The following SND1 variants were observed in gnomAD, a reference collection of about 807,000 sequenced individuals.
SND1 encodes staphylococcal nuclease domain-containing protein 1.
SND1 carries 38 observed loss-of-function variants against 121.7 expected under a neutral mutation model. That is an observed-to-expected ratio of 0.31 (90% CI 0.24 to 0.41). The LOEUF (loss-of-function observed/expected upper bound fraction) is 0.41, where lower values mean the gene tolerates loss of function less well. SND1 is among the 10% of genes least tolerant of loss of function. The pLI is 1.00. For missense variants in SND1, 868 were observed against 1,184.6 expected, an observed-to-expected ratio of 0.73 and a Z score of 3.92; for synonymous variants, 401 against 447.4, an observed-to-expected ratio of 0.90 and a Z score of 1.31.
intron 19 of SND1, 30 bp downstream of exon 19, chr7:128,084,877 C>G: frequency 1.3e-6 from 2 of 1,576,940 alleles, no homozygotes; most frequent in Non-Finnish European, 1.7e-6. Context: ...AAGGCAGAGT[C>G]TTGAGCAGGA....
At chr7:127,873,079 G>A (rs542044140) in intron 12 of SND1, among the ~76,000 whole-genome samples, 3 of 152,154 alleles carry the variant, frequency 2.0e-5, no homozygotes, top group East Asian at 1.9e-4. Flanking sequence ...TTAATATGCC[G>A]TTCACGGATA....
At chr7:127,735,714 C>T (rs1051699766) in intron 10 of SND1, among the ~76,000 whole-genome samples, 3 of 152,176 alleles carry the variant, frequency 2.0e-5, no homozygotes, top group Non-Finnish European at 2.9e-5. Flanking sequence ...GCAACTTCCA[C>T]CTCCCGGGTT....
intron 1 of SND1, among the ~76,000 whole-genome samples, chr7:127,669,639 C>T (rs1795480059): frequency 6.6e-6 from 1 of 152,138 alleles, no homozygotes; most frequent in Admixed American, 6.5e-5. Flanking sequence ...TAGATTTACC[C>T]CAAAGCCTAT....
rs1262034334 is a variant in SND1, at chr7:128,089,709, GGC to G, written c.2622+19_2622+20del. The stretch of plus-strand genomic sequence containing the variant: ...CAGAAAGTGGTATGTGATGTGGAGA[GGC>G]GGCCCCAGCATTGCGCCACCACCCT... On this transcript the variant is annotated intron_variant, in intron 22 of 23. Coordinates refer to ENST00000354725, the MANE Select transcript of SND1 (RefSeq NM_014390.4). The G allele has an allele frequency of 6.2e-7, 1 of 1,611,770 alleles. No homozygotes were observed. Among genetic ancestry groups the G allele is most frequent in the South Asian group, 1.1e-5 (1 of 90,904 alleles).
intron 20 of SND1, chr7:128,086,499 G>A: frequency 3.8e-6 from 1 of 266,326 alleles, no homozygotes; most frequent in Non-Finnish European, 7.3e-6. Context: ...GAACCCAGAT[G>A]CCTGGGCCAG....
At chr7:127,748,971 C>T (rs183348077) in intron 10 of SND1, among the ~76,000 whole-genome samples, 3 of 152,110 alleles carry the variant, frequency 2.0e-5, no homozygotes, top group African/African-American at 7.2e-5. Context: ...TGTGCACCCC[C>T]CATGAAGTCA....
At chr7:127,812,933 A>T (rs146287331) in intron 11 of SND1, among the ~76,000 whole-genome samples, 1,613 of 152,326 alleles carry the variant, frequency 0.011, 12 homozygotes, top group Non-Finnish European at 0.018. Context: ...TGTCATCTCC[A>T]CATTTTTCAC....
At chr7:127,672,885 C>T (rs2116268582) in intron 1 of SND1, among the ~76,000 whole-genome samples, 1 of 151,954 alleles carries the variant, frequency 6.6e-6, no homozygotes, top group Non-Finnish European at 1.5e-5. Context: ...GCAGAAATAC[C>T]ACATAAATGA....
At chr7:127,729,278 G>GTATA (rs917064471) in intron 10 of SND1, among the ~76,000 whole-genome samples, 8 of 151,328 alleles carry the variant, frequency 5.3e-5, no homozygotes, top group African/African-American at 1.9e-4. Context: ...TTACTGAGGG[G>GTATA]TATATATATA....
intron 10 of SND1, among the ~76,000 whole-genome samples, chr7:127,792,979 G>A (rs1463920697): frequency 2.0e-5 from 3 of 152,228 alleles, no homozygotes; most frequent in South Asian, 2.1e-4. Context: ...CAGAAATGGG[G>A]TTTGCAGGTT....
At chr7:127,775,416 A>C (rs1384081742) in intron 10 of SND1, among the ~76,000 whole-genome samples, 1 of 150,642 alleles carries the variant, frequency 6.6e-6, no homozygotes, top group Non-Finnish European at 1.5e-5. Context: ...AATAAAAAAA[A>C]CACACAGAGT....
At chr7:127,800,572 A>C (rs1177559240) in intron 10 of SND1, among the ~76,000 whole-genome samples, 1 of 152,232 alleles carries the variant, frequency 6.6e-6, no homozygotes, top group Non-Finnish European at 1.5e-5. Context: ...GAAATGGGAA[A>C]GGGTGATCAA....
chr7:127,946,042 T>C (rs927495074), intron 15 of SND1, among the ~76,000 whole-genome samples: 8 of 152,258 alleles, frequency 5.3e-5, no homozygotes, highest in African/African-American at 1.9e-4. Context: ...TACTCTCTTA[T>C]TGGCTAGGAA....
chr7:127,652,526 C>T (rs1391656399), intron 1 of SND1, 75 bp downstream of exon 1: 1 of 1,216,174 alleles, frequency 8.2e-7, no homozygotes, highest in Non-Finnish European at 1.2e-6. Flanking sequence ...CACCTTCCGC[C>T]AGCCTGCTCC....
At chr7:127,744,315 A>T (rs1230155391) in intron 10 of SND1, among the ~76,000 whole-genome samples, 1 of 152,128 alleles carries the variant, frequency 6.6e-6, no homozygotes, top group Non-Finnish European at 1.5e-5. Flanking sequence ...GAGACCACCC[A>T]GATGACCTGC....
intron 10 of SND1, among the ~76,000 whole-genome samples, chr7:127,773,699 A>T (rs1307605838): frequency 6.6e-6 from 1 of 152,134 alleles, no homozygotes; most frequent in Non-Finnish European, 1.5e-5. Flanking sequence ...TCGAAAAAAA[A>T]TCTGTTGTGG....
chr7:128,032,457 C>T (rs545900878), intron 16 of SND1, among the ~76,000 whole-genome samples: 98 of 151,768 alleles, frequency 6.5e-4, no homozygotes, highest in African/African-American at 2.2e-3. Context: ...TATTTTGGGC[C>T]GGTCGGAGGG....
intron 15 of SND1, among the ~76,000 whole-genome samples, chr7:127,970,249 C>A (rs999644037): frequency 6.6e-6 from 1 of 152,166 alleles, no homozygotes; most frequent in Non-Finnish European, 1.5e-5. Context: ...ATATAAAGTT[C>A]ATTCAACCTG....
intron 16 of SND1, among the ~76,000 whole-genome samples, chr7:128,055,317 TC>T (rs1429711030): frequency 6.6e-6 from 1 of 152,140 alleles, no homozygotes; most frequent in Non-Finnish European, 1.5e-5. Context: ...TGGCTGATGT[TC>T]CCACCACAGG....
Sources: gnomAD v4.1 joint callset for allele counts (sites outside exome capture counted in the v4.1 genomes callset) on GRCh38, gnomAD v4.1.1 for gene constraint, MANE v1.5 for transcripts, NCBI Gene and HGNC (gene_info 2026-07-23, HGNC 2026-07-21) for gene names.